The following FAM234A variants were observed in gnomAD, a reference collection of about 807,000 sequenced individuals.
FAM234A encodes the protein family with sequence similarity 234 member A.
In FAM234A, 42 loss-of-function variants were observed where a neutral mutation model predicts 49.1. The ratio of observed to expected loss-of-function variants is 0.86; its 90% CI spans 0.67 to 1.11. The LOEUF is 1.11. Among genes scored for constraint, FAM234A ranks in the 50% least tolerant of loss-of-function variants. The pLI is 0.00. For synonymous variants in FAM234A, 369 were observed against 316.2 expected, an observed-to-expected ratio of 1.17 and a Z score of -1.77; for missense variants, 815 against 745.2, an observed-to-expected ratio of 1.09 and a Z score of -1.09.
chr16:265,885 C>G lies in FAM234A; in HGVS notation c.*863C>G, dbSNP rs2051677353. On this transcript the variant is annotated 3_prime_UTR_variant, in exon 13 of 13. Coordinates refer to ENST00000399932, the MANE Select transcript of FAM234A (RefSeq NM_032039.4). ...CCCCAGGCATGGCAAGCGCCTGCCT[C>G]TCCCCTTCCGGTGCTCACACGCCCA... 1 of 986,194 alleles carries G rather than the reference C, an allele frequency of 1.0e-6. No homozygotes were observed. The highest frequency in any genetic ancestry group is 1.1e-4 in the East Asian group (1 of 8,822). The allele number at this position is 986,194 out of a possible 1,614,324, so 61.1% of individuals were successfully genotyped here. A position where few individuals can be genotyped will look rare whatever the true frequency, so the allele number is the denominator to read the frequency against.
chr16:268,825 G>C, downstream of FAM234A: 1 of 1,550,314 alleles, frequency 6.5e-7, no homozygotes, highest in Non-Finnish European at 8.7e-7. Flanking sequence ...CAGAGCTCGC[G>C]CCGAGACCTG....
chr16:255,513 G>T (rs1236457483), intron 3 of FAM234A, among the ~76,000 whole-genome samples: 1 of 152,170 alleles, frequency 6.6e-6, no homozygotes, highest in African/African-American at 2.4e-5. Context: ...GGTTGAGGCT[G>T]CAGTGAGCTG....
intron 3 of FAM234A, 114 bp from the exon 4 acceptor site, chr16:259,369 G>C: frequency 1.5e-6 from 1 of 672,346 alleles, no homozygotes; most frequent in Non-Finnish European, 2.7e-6. Context: ...GTCCTCGTTG[G>C]GTGCCCTCAC....
chr16:269,036 C>T (rs1339581612), downstream of FAM234A: 1 of 1,200,316 alleles, frequency 8.3e-7, no homozygotes, highest in South Asian at 1.3e-5. Flanking sequence ...CCAAGCTGAG[C>T]CAATGAACCC....
chr16:243,981 T>C (rs2050704472), intron 1 of FAM234A, among the ~76,000 whole-genome samples: 1 of 152,090 alleles, frequency 6.6e-6, no homozygotes, highest in Admixed American at 6.6e-5. Context: ...GATTTTTTTT[T>C]TTTTTGAGTC....
At chr16:257,339 G>A (rs1001388418) in intron 3 of FAM234A, among the ~76,000 whole-genome samples, 2 of 136,600 alleles carry the variant, frequency 1.5e-5, no homozygotes, top group Admixed American at 8.4e-5. Flanking sequence ...TCCACCTCCC[G>A]GGTTCAAGCG....
chr16:265,151 A>G lies in FAM234A; in HGVS notation c.*129A>G, dbSNP rs2051649358. On this transcript the variant is annotated 3_prime_UTR_variant, in exon 13 of 13. Transcript: ENST00000399932. ...ACCCTGGTGATGGTCGCCACTGGGC[A>G]GCAGCAGCCTTACCAGTCCTCCATG... 4 of 1,440,656 alleles carry G rather than the reference A, an allele frequency of 2.8e-6. No individual in the cohort carries two copies. The highest frequency in any genetic ancestry group is 1.4e-5 in the African/African-American group (1 of 70,004). 89.2% of individuals were successfully genotyped at this position (1,440,656 alleles called of 1,614,324 possible). A position where few individuals can be genotyped will look rare whatever the true frequency, so the allele number is the denominator to read the frequency against.
At chr16:247,904 G>A (rs1041034534) in intron 1 of FAM234A, among the ~76,000 whole-genome samples, 14 of 152,048 alleles carry the variant, frequency 9.2e-5, no homozygotes, top group African/African-American at 1.9e-4. Context: ...ACCTGGGTTC[G>A]CCCAAGTGGT....
intron 1 of FAM234A, among the ~76,000 whole-genome samples, chr16:243,552 C>T: frequency 6.6e-6 from 1 of 152,170 alleles, no homozygotes; most frequent in East Asian, 1.9e-4. Flanking sequence ...TTGGACCTGT[C>T]TCATGGTGTC....
chr16:263,680 C>T lies in FAM234A; in HGVS notation c.1113-20C>T, dbSNP rs1315621418. ...TCCTCACTGAGACCCCTCGTGAGCG[C>T]TTCCTCCATATTGTTCCAGAAAACC... is the stretch of plus-strand genomic sequence containing the variant. On this transcript the variant is annotated intron_variant, in intron 9 of 12. Coordinates refer to ENST00000399932, the MANE Select transcript of FAM234A (RefSeq NM_032039.4). The T allele has an allele frequency of 1.9e-6, 3 of 1,602,002 alleles. No individual in the cohort carries two copies. The highest frequency in any genetic ancestry group is 2.2e-5 in the East Asian group (1 of 44,840).
chr16:265,315 C>T lies in FAM234A; in HGVS notation c.*293C>T, dbSNP rs957808386. On this transcript the variant is annotated 3_prime_UTR_variant, in exon 13 of 13. Transcript: ENST00000399932. Reference sequence around the variant, plus strand: ...CACACCAGGCAGCCTTCATAGTGGTCTCCCTGGCCACCTTGGGCAGAGCTG... The same window carrying T: ...CACACCAGGCAGCCTTCATAGTGGTTTCCCTGGCCACCTTGGGCAGAGCTG... The T allele has an allele frequency of 6.6e-6, 8 of 1,210,500 alleles. No individual in the cohort carries two copies. In the East Asian group the frequency reaches 3.2e-4, roughly 48 times the overall value. The allele number at this position is 1,210,500 out of a possible 1,614,324, so 75.0% of individuals were successfully genotyped here. A position where few individuals can be genotyped will look rare whatever the true frequency, so the allele number is the denominator to read the frequency against.
intron 1 of FAM234A, among the ~76,000 whole-genome samples, chr16:243,638 C>T (rs971932031): frequency 6.6e-6 from 1 of 152,192 alleles, no homozygotes; most frequent in Non-Finnish European, 1.5e-5. Flanking sequence ...ATAACTACCC[C>T]TATTTCTGGT....
chr16:266,748 C>G (rs1420577636), downstream of FAM234A, among the ~76,000 whole-genome samples: 2 of 151,854 alleles, frequency 1.3e-5, no homozygotes, highest in Admixed American at 6.6e-5. Context: ...AAAAGTAACT[C>G]AGCCCAGAAG....
Position 265,664 on chromosome 16 carries a change from C to T in FAM234A, c.*642C>T. ...TGAGGAAGCCTGGAGCAAGGGTCTC[C>T]CCCAGCAGGATGGGTGGGGCCTGCT... On this transcript the variant is annotated 3_prime_UTR_variant, in exon 13 of 13. Transcript: ENST00000399932. 4.1e-6 allele frequency: 4 copies of T among 985,500 alleles called. No individual in the cohort carries two copies. The highest frequency in any genetic ancestry group is 1.7e-5 in the African/African-American group (1 of 57,324). The allele number at this position is 985,500 out of a possible 1,614,324, so 61.0% of individuals were successfully genotyped here.
Position 264,870 on chromosome 16 carries a change from T to G in FAM234A, c.1507T>G (p.Ser503Ala), listed in dbSNP as rs1319411576. ...AYILLTGPAD[S>A]EAPGLVSVIK... ...CATCCTTCTGACAGGCCCGGCAGAC[T>G]CAGAGGCACCCGGCCTGGTCTCTGT... The change falls in exon 13 of 13, where the codon TCA (serine) becomes GCA (alanine). Residue 503 changes from serine to alanine, a missense_variant. Physicochemically the swap from Ser to Ala is moderately conservative, Grantham distance 99. Transcript: ENST00000399932. The G allele has an allele frequency of 6.2e-7, 1 of 1,612,322 alleles. No individual in the cohort carries two copies. Among genetic ancestry groups the G allele is most frequent in the African/African-American group, 1.3e-5 (1 of 74,886 alleles).
chr16:260,046 C>G lies in FAM234A; in HGVS notation c.463C>G (p.Gln155Glu). ...CACGCTCTGGGAGAGACCTGTGGCCCAAGACGTGGCCCTCGTGGAGTGTGC... is the reference window on the plus strand; with the variant it reads ...CACGCTCTGGGAGAGACCTGTGGCCGAAGACGTGGCCCTCGTGGAGTGTGC... ...GSTLWERPVAQDVALVECAVP... is the reference protein window; with the variant it reads ...GSTLWERPVAEDVALVECAVP... Residue 155 changes from glutamine to glutamate, a missense_variant, in exon 5 of 13, where the codon CAA becomes GAA. Coordinates refer to ENST00000399932, the MANE Select transcript of FAM234A (RefSeq NM_032039.4). The G allele has an allele frequency of 6.2e-7, 1 of 1,613,734 alleles. No homozygotes were observed. Among genetic ancestry groups the G allele is most frequent in the Non-Finnish European group, 8.5e-7 (1 of 1,180,028 alleles).
intron 2 of FAM234A, among the ~76,000 whole-genome samples, chr16:252,873 C>T (rs1567216246): frequency 6.6e-6 from 1 of 152,178 alleles, no homozygotes; most frequent in Non-Finnish European, 1.5e-5. Context: ...CGCTGACCTC[C>T]GCACGCCCTC....
chr16:236,012 G>A (rs1454215227), intron 1 of FAM234A, among the ~76,000 whole-genome samples: 14 of 151,916 alleles, frequency 9.2e-5, no homozygotes, highest in Admixed American at 8.5e-4. Context: ...AATTAGCTGC[G>A]TATGGTGGCA....
intron 1 of FAM234A, among the ~76,000 whole-genome samples, chr16:235,118 G>A (rs35021117): frequency 0.047 from 7,168 of 152,354 alleles, 267 homozygotes; most frequent in Admixed American, 0.069. Flanking sequence ...CGCAGCCTGG[G>A]TTTCAGTGGC....
Sources: allele counts gnomAD v4.1 joint callset (sites outside exome capture counted in the v4.1 genomes callset), GRCh38; gene constraint gnomAD v4.1.1; transcripts MANE v1.5; gene names NCBI Gene and HGNC (gene_info 2026-07-23, HGNC 2026-07-21).